Variants in IL1RAPL2 observed in about 807,000 individuals in gnomAD.
IL1RAPL2 encodes the protein interleukin 1 receptor accessory protein like 2, also known as X-linked interleukin-1 receptor accessory protein-like 2.
In IL1RAPL2, 3 loss-of-function variants were observed where a neutral mutation model predicts 44.1. That is an observed-to-expected ratio of 0.07 (90% CI 0.03 to 0.18). The LOEUF is 0.18. IL1RAPL2 is among the 10% of genes least tolerant of loss of function. The probability of loss-of-function intolerance (pLI) is 1.00; values close to 1 mark genes in which losing one functional copy is unlikely to be tolerated. For synonymous variants in IL1RAPL2, 181 were observed against 178.8 expected (o/e 1.01, Z -0.10); for missense variants, 391 against 496.4 (o/e 0.79, Z 2.02).
chrX:104,722,023 G>A (rs1420265493), intron 2 of IL1RAPL2, among the ~76,000 whole-genome samples: 1 of 111,326 alleles, frequency 9.0e-6, no homozygotes, highest in African/African-American at 3.3e-5. Flanking sequence ...GCATTTCCTT[G>A]CATTGCTCAT....
intron 2 of IL1RAPL2, among the ~76,000 whole-genome samples, chrX:105,020,199 A>C (rs1204975296): frequency 9.1e-6 from 1 of 110,383 alleles, no homozygotes. Flanking sequence ...TTCCTAGGCT[A>C]GTCTTGAACT....
chrX:105,400,431 T>G (rs1018278815), intron 5 of IL1RAPL2, among the ~76,000 whole-genome samples: 2 of 111,195 alleles, frequency 1.8e-5, no homozygotes, highest in African/African-American at 6.5e-5. Context: ...CCTTATACTT[T>G]TATGATGATT....
intron 6 of IL1RAPL2, among the ~76,000 whole-genome samples, chrX:105,631,158 G>GA (rs754841783): frequency 4.6e-4 from 50 of 109,185 alleles, no homozygotes; most frequent in African/African-American, 1.4e-3. Context: ...GTGATAGGGA[G>GA]AAAAAAAAAT....
intron 4 of IL1RAPL2, among the ~76,000 whole-genome samples, chrX:105,248,691 T>C (rs1384895957): frequency 9.0e-6 from 1 of 111,317 alleles, no homozygotes; most frequent in Non-Finnish European, 1.9e-5. Context: ...AATATTTAAA[T>C]AGACATTTCT....
chrX:104,684,578 T>G (rs1930948774), intron 2 of IL1RAPL2, among the ~76,000 whole-genome samples: 1 of 112,413 alleles, frequency 8.9e-6, no homozygotes, highest in Non-Finnish European at 1.9e-5. Flanking sequence ...TGCCTTGCCC[T>G]GATCTTTAGG....
At chrX:104,957,784 G>T (rs1015072115) in intron 2 of IL1RAPL2, among the ~76,000 whole-genome samples, 9 of 111,500 alleles carry the variant, frequency 8.1e-5, no homozygotes, top group Non-Finnish European at 1.5e-4. Flanking sequence ...TTATTGGTTG[G>T]TTTAAATACT....
intron 6 of IL1RAPL2, among the ~76,000 whole-genome samples, chrX:105,508,574 T>C (rs2036447343): frequency 2.7e-5 from 3 of 109,724 alleles, no homozygotes; most frequent in African/African-American, 1.0e-4. Flanking sequence ...CCTCAGGTGA[T>C]GCACTTAAGG....
chrX:105,098,748 G>A (rs1054180829), intron 2 of IL1RAPL2, among the ~76,000 whole-genome samples: 16 of 111,956 alleles, frequency 1.4e-4, no homozygotes, highest in African/African-American at 5.2e-4. Context: ...GGTCAGAGTC[G>A]TGTTTGATTT....
chrX:105,371,287 T>G (rs2035338074), intron 5 of IL1RAPL2, among the ~76,000 whole-genome samples: 1 of 112,269 alleles, frequency 8.9e-6, no homozygotes. Context: ...TTTGATGTCT[T>G]CATCATGAAA....
At chrX:105,626,853 C>A (rs188609592) in intron 6 of IL1RAPL2, among the ~76,000 whole-genome samples, 1 of 111,617 alleles carries the variant, frequency 9.0e-6, no homozygotes, top group African/African-American at 3.3e-5. Context: ...CTTGGCCTAG[C>A]ATTTCTCCAA....
intron 2 of IL1RAPL2, among the ~76,000 whole-genome samples, chrX:105,025,853 G>T (rs956737980): frequency 6.3e-5 from 7 of 111,255 alleles, no homozygotes; most frequent in African/African-American, 2.3e-4. Flanking sequence ...CTGCAGTCCA[G>T]GTGGGAAGAA....
chrX:104,892,017 T>C (rs1297287926), intron 2 of IL1RAPL2, among the ~76,000 whole-genome samples: 1 of 111,777 alleles, frequency 8.9e-6, no homozygotes, highest in Non-Finnish European at 1.9e-5. Context: ...GCTGTTGAAT[T>C]TTGTGACAGG....
chrX:105,425,583 C>T lies in IL1RAPL2; in HGVS notation c.698-58730C>T, dbSNP rs1312467502. Among the ~76,000 whole-genome samples, 4 of 108,809 alleles carry T rather than the reference C, an allele frequency of 3.7e-5. No homozygotes were observed. In the East Asian group the frequency reaches 8.7e-4, roughly 24 times the overall value. 94.5% of individuals were successfully genotyped at this position (108,809 alleles called of 115,157 possible). A position where few individuals can be genotyped will look rare whatever the true frequency, so the allele number is the denominator to read the frequency against. On this transcript the variant is annotated intron_variant, in intron 5 of 10. Transcript: ENST00000372582. ...AGTTTTTTGACTCAGTGTAACTTCC[C>T]TCTCATGTTATCCTTTTTTTTTCCT...
At chrX:105,694,464 TG>T (rs1401834559) in intron 6 of IL1RAPL2, among the ~76,000 whole-genome samples, 1 of 112,013 alleles carries the variant, frequency 8.9e-6, no homozygotes, top group Non-Finnish European at 1.9e-5. Context: ...ATCAAACCTG[TG>T]AAGTTAAGTA....
intron 1 of IL1RAPL2, among the ~76,000 whole-genome samples, chrX:104,620,101 G>C (rs1483460479): frequency 9.0e-6 from 1 of 111,297 alleles, no homozygotes; most frequent in Non-Finnish European, 1.9e-5. Flanking sequence ...GAGTTTGGCT[G>C]GAAGTAAGAT....
intron 7 of IL1RAPL2, among the ~76,000 whole-genome samples, chrX:105,727,483 A>ATAAG (rs945996384): frequency 2.7e-5 from 3 of 111,568 alleles, no homozygotes; most frequent in Non-Finnish European, 5.7e-5. Context: ...CTGTTTACAA[A>ATAAG]TAAGTACTTT....
intron 2 of IL1RAPL2, among the ~76,000 whole-genome samples, chrX:105,135,362 A>G (rs16984623): frequency 0.087 from 9,692 of 111,373 alleles, 1,042 homozygotes; most frequent in African/African-American, 0.3. Context: ...TCAAAGGCTG[A>G]CCAAACATCA....
At chrX:105,373,651 G>T (rs1323016571) in intron 5 of IL1RAPL2, among the ~76,000 whole-genome samples, 2 of 111,361 alleles carry the variant, frequency 1.8e-5, no homozygotes, top group Non-Finnish European at 3.8e-5. Flanking sequence ...ATAGTTTTAG[G>T]TTTTCTATTT....
At chrX:104,722,662 T>C (rs1056566391) in intron 2 of IL1RAPL2, among the ~76,000 whole-genome samples, 4 of 111,918 alleles carry the variant, frequency 3.6e-5, no homozygotes, top group Non-Finnish European at 5.7e-5. Context: ...CTCATATTGC[T>C]TTTCCATAGT....
Sources: gnomAD v4.1 joint callset for allele counts (sites outside exome capture counted in the v4.1 genomes callset) on GRCh38, gnomAD v4.1.1 for gene constraint, MANE v1.5 for transcripts, NCBI Gene and HGNC (gene_info 2026-07-23, HGNC 2026-07-21) for gene names.